The following SYTL5 variants were observed in gnomAD, a reference collection of about 807,000 sequenced individuals.
The protein encoded by SYTL5 is synaptotagmin like 5.
SYTL5 carries 34 observed loss-of-function variants against 55.9 expected under a neutral mutation model. The ratio of observed to expected loss-of-function variants is 0.61; its 90% CI spans 0.46 to 0.81. SYTL5 has a LOEUF of 0.81. Ranked by LOEUF, SYTL5 falls within the 30% of genes least tolerant of loss-of-function variation. The pLI is 0.00. For missense variants in SYTL5, 637 were observed against 546.7 expected, an observed-to-expected ratio of 1.17 and a Z score of -1.65; for synonymous variants, 221 against 188.7, an observed-to-expected ratio of 1.17 and a Z score of -1.40.
At chrX:37,970,498 AT>A in the SYTL5 span, among the ~76,000 whole-genome samples, 1 of 110,343 alleles carries the variant, frequency 9.1e-6, no homozygotes, top group Non-Finnish European at 1.9e-5. Flanking sequence ...TAATAAGAAT[AT>A]TTTTTTAAAA....
chrX:37,928,565 T>C, the SYTL5 span, among the ~76,000 whole-genome samples: 1 of 111,539 alleles, frequency 9.0e-6, no homozygotes, highest in East Asian at 2.8e-4. Flanking sequence ...GTTTACCAAC[T>C]CCTGCCTTAC....
intron 1 of SYTL5, among the ~76,000 whole-genome samples, chrX:38,015,777 C>G (rs1228993410): frequency 1.8e-5 from 2 of 110,567 alleles, no homozygotes; most frequent in African/African-American, 6.6e-5. Flanking sequence ...CACTTTCGCT[C>G]TGGGCGGGCA....
the SYTL5 span, among the ~76,000 whole-genome samples, chrX:37,932,236 G>T: frequency 9.0e-6 from 1 of 111,517 alleles, no homozygotes; most frequent in Non-Finnish European, 1.9e-5. Context: ...TCCCAGAGAA[G>T]GAGCGAGGAG....
chrX:37,999,782 A>C, the SYTL5 span, among the ~76,000 whole-genome samples: 2 of 112,039 alleles, frequency 1.8e-5, no homozygotes, highest in African/African-American at 6.5e-5. Context: ...AAAGGGGACC[A>C]GACTTTTTTT....
intron 7 of SYTL5, among the ~76,000 whole-genome samples, chrX:38,094,089 C>T (rs755954592): frequency 5.4e-5 from 6 of 111,222 alleles, no homozygotes; most frequent in Non-Finnish European, 1.1e-4. Context: ...ATTAACAAAC[C>T]TCTTGGAATG....
intron 13 of SYTL5, among the ~76,000 whole-genome samples, chrX:38,112,499 C>T (rs889351050): frequency 8.9e-6 from 1 of 112,265 alleles, no homozygotes; most frequent in African/African-American, 3.2e-5. Flanking sequence ...TAAATCACTT[C>T]ATAAGAATCT....
chrX:38,066,156 T>C (rs927367028), intron 3 of SYTL5, among the ~76,000 whole-genome samples: 3 of 111,866 alleles, frequency 2.7e-5, no homozygotes, highest in Non-Finnish European at 5.6e-5. Flanking sequence ...AGTTTCCTTA[T>C]GAATAATAGA....
chrX:38,002,144 C>A (rs749362614), upstream of SYTL5, among the ~76,000 whole-genome samples: 6 of 110,646 alleles, frequency 5.4e-5, no homozygotes, highest in Admixed American at 5.8e-4. Flanking sequence ...CAATAGTTTG[C>A]TGAGAATGAT....
chrX:38,101,096 G>A (rs775438032), intron 9 of SYTL5, among the ~76,000 whole-genome samples: 40 of 111,290 alleles, frequency 3.6e-4, no homozygotes, highest in Non-Finnish European at 6.6e-4. Context: ...GGAATATATA[G>A]CATTTAATTA....
At chrX:37,939,103 C>G in the SYTL5 span, among the ~76,000 whole-genome samples, 1 of 109,230 alleles carries the variant, frequency 9.2e-6, no homozygotes, top group South Asian at 4.1e-4. Flanking sequence ...ACTAAAAATA[C>G]CCAAAAAACT....
the SYTL5 span, among the ~76,000 whole-genome samples, chrX:37,994,028 C>G: frequency 9.0e-6 from 1 of 111,109 alleles, no homozygotes; most frequent in Non-Finnish European, 1.9e-5. Flanking sequence ...AAAGAAGCTC[C>G]AGTTACTAGG....
chrX:38,091,085 A>C (rs1602386632), intron 7 of SYTL5, among the ~76,000 whole-genome samples: 2 of 111,983 alleles, frequency 1.8e-5, no homozygotes, highest in Middle Eastern at 9.2e-3. Flanking sequence ...GAGTAACACA[A>C]TCTGCCTTAT....
In SYTL5 at chrX:38,096,239, G is replaced by A. The variant is rs746313796; in HGVS notation, c.1062+5G>A. 9.3e-7 allele frequency: 1 copy of A among 1,079,303 alleles called. No homozygotes were observed. Among genetic ancestry groups the A allele is most frequent in the South Asian group, 1.9e-5 (1 of 51,364 alleles). 88.9% of individuals were successfully genotyped at this position (1,079,303 alleles called of 1,213,427 possible). ...GTCCCTGGGGCTTTAGACAAGGTAA[G>A]TTGGATGTGGAAGAAAATATAATGA... On this transcript the variant is annotated splice_donor_5th_base_variant and intron_variant, in intron 9 of 16. Coordinates refer to ENST00000297875, the MANE Select transcript of SYTL5 (RefSeq NM_138780.3).
At chrX:38,118,952 C>CATATATAT (rs36070047) in intron 13 of SYTL5, among the ~76,000 whole-genome samples, 1,658 of 89,674 alleles carry the variant, frequency 0.018, 71 homozygotes, top group African/African-American at 0.067. Context: ...TACGCATATA[C>CATATATAT]ATATATATAT....
chrX:38,116,946 C>A (rs770403890), intron 13 of SYTL5, among the ~76,000 whole-genome samples: 2 of 112,333 alleles, frequency 1.8e-5, no homozygotes, highest in South Asian at 7.4e-4. Context: ...CCTGCTACTG[C>A]AAATATGTCT....
At chrX:37,965,705 A>C in the SYTL5 span, among the ~76,000 whole-genome samples, 10 of 112,153 alleles carry the variant, frequency 8.9e-5, no homozygotes, top group East Asian at 2.2e-3. Context: ...AAAATTGAGT[A>C]TTGAATCGCC....
At chrX:38,019,536 A>C (rs1390497008) in intron 1 of SYTL5, among the ~76,000 whole-genome samples, 2 of 112,384 alleles carry the variant, frequency 1.8e-5, no homozygotes. Context: ...CTAGAAAATA[A>C]TAGAAAATAG....
chrX:38,084,470 C>G (rs1936620866), intron 6 of SYTL5, among the ~76,000 whole-genome samples: 2 of 111,711 alleles, frequency 1.8e-5, no homozygotes, highest in African/African-American at 6.5e-5. Flanking sequence ...TGACTGGTGT[C>G]TGGGGGAGGA....
At chrX:37,996,755 G>A in the SYTL5 span, among the ~76,000 whole-genome samples, 12 of 111,762 alleles carry the variant, frequency 1.1e-4, no homozygotes, top group African/African-American at 3.3e-4. Flanking sequence ...CAGGTCTCCT[G>A]TTCCCTTTAT....
Sources: allele counts gnomAD v4.1 joint callset (sites outside exome capture counted in the v4.1 genomes callset), GRCh38; gene constraint gnomAD v4.1.1; transcripts MANE v1.5; gene names NCBI Gene and HGNC (gene_info 2026-07-23, HGNC 2026-07-21).